Variants in RAP1GAP2 observed in about 807,000 individuals in gnomAD.
RAP1GAP2 encodes rap1 GTPase-activating protein 2.
Under a neutral mutation model 95.0 loss-of-function variants are expected in RAP1GAP2, and 27 were observed. The observed-to-expected ratio is 0.28, with a 90% CI of 0.21 to 0.39. The LOEUF (loss-of-function observed/expected upper bound fraction) is 0.39. Among genes scored for constraint, RAP1GAP2 ranks in the 10% least tolerant of loss-of-function variants. The pLI, the probability that RAP1GAP2 is intolerant of heterozygous loss-of-function variation, is 1.00. For synonymous variants in RAP1GAP2, 373 were observed against 380.9 expected, an observed-to-expected ratio of 0.98 and a Z score of 0.24; for missense variants, 771 against 970.0, an observed-to-expected ratio of 0.79 and a Z score of 2.72.
chr17:3,005,589 C>T lies in RAP1GAP2; in HGVS notation c.1272+149C>T, dbSNP rs1436848254. On this transcript the variant is annotated intron_variant, in intron 15 of 24. Coordinates refer to ENST00000254695, the MANE Select transcript of RAP1GAP2 (RefSeq NM_015085.5). The surrounding 1 kb of genome is among the most constrained non-coding windows in gnomAD (Gnocchi z 5.2). ...TGGGGGGAACCTCCTTTCTTGGGGT[C>T]TCTCCCCACCTCTTTCATGCTGCCA... 5 of 861,726 alleles carry T rather than the reference C, an allele frequency of 5.8e-6. No individual in the cohort carries two copies. The highest frequency in any genetic ancestry group is 1.5e-5 in the South Asian group (1 of 67,842). The allele number at this position is 861,726 out of a possible 1,614,324, so 53.4% of individuals were successfully genotyped here.
intron 2 of RAP1GAP2, among the ~76,000 whole-genome samples, chr17:2,824,190 G>C (rs570162667): frequency 6.6e-6 from 1 of 151,238 alleles, no homozygotes; most frequent in African/African-American, 2.4e-5. Flanking sequence ...GCTCACACCT[G>C]TCATCCCAGC....
intron 2 of RAP1GAP2, among the ~76,000 whole-genome samples, chr17:2,831,375 C>G (rs1328654020): frequency 6.6e-6 from 1 of 151,512 alleles, no homozygotes; most frequent in African/African-American, 2.4e-5. Flanking sequence ...CCATGCCCAG[C>G]CTCCTATTTC....
chr17:2,837,282 A>G (rs1309754444), intron 2 of RAP1GAP2, among the ~76,000 whole-genome samples: 1 of 150,438 alleles, frequency 6.6e-6, no homozygotes, highest in Non-Finnish European at 1.5e-5. Flanking sequence ...CATGAATTTG[A>G]ATTTGAATTG....
At chr17:2,986,238 T>A (rs894854258) in intron 11 of RAP1GAP2, among the ~76,000 whole-genome samples, 5 of 152,214 alleles carry the variant, frequency 3.3e-5, no homozygotes, top group African/African-American at 1.2e-4. Context: ...TCTAATTATA[T>A]GAAGAGTTTA....
In RAP1GAP2 at chr17:3,020,480, C is replaced by T. The variant is rs372158286; in HGVS notation, c.1636C>T (p.Pro546Ser). ...ATTTTGGCAATTTCATCGACAGCCT[C>T]CAGTGGTGGCGGCAACGGTGAAGAA... ...MEVTKTTFSP[P>S]VVAATVKNQS... Residue 546 changes from proline to serine, a missense_variant, in exon 19 of 25, where the codon CCA becomes TCA. By Grantham distance (74) the Pro-to-Ser change is moderately conservative. Coordinates refer to ENST00000254695, the MANE Select transcript of RAP1GAP2 (RefSeq NM_015085.5). The T allele has an allele frequency of 1.9e-6, 3 of 1,613,302 alleles. No homozygotes were observed. Among genetic ancestry groups the T allele is most frequent in the South Asian group, 2.2e-5 (2 of 91,016 alleles).
intron 2 of RAP1GAP2, among the ~76,000 whole-genome samples, chr17:2,859,745 C>T (rs895537014): frequency 3.3e-5 from 5 of 152,240 alleles, no homozygotes; most frequent in Non-Finnish European, 5.9e-5. Flanking sequence ...CCACCCAACT[C>T]TTTTTTTCTT....
intron 13 of RAP1GAP2, among the ~76,000 whole-genome samples, chr17:2,996,962 C>G (rs750285444): frequency 1.3e-5 from 2 of 152,118 alleles, no homozygotes; most frequent in African/African-American, 2.4e-5. Context: ...AGCCAGGACT[C>G]GACATACAGG....
intron 16 of RAP1GAP2, 79 bp downstream of exon 16, chr17:3,006,120 CTTTTTTTTT>C (rs537126167): frequency 2.7e-5 from 11 of 409,928 alleles, no homozygotes; most frequent in African/African-American, 8.5e-5. Flanking sequence ...GCTCCTCCAT[CTTTTTTTTT>C]TTTTTTTTTT....
At position 2,791,002 on chromosome 17, in the gene RAP1GAP2, C is replaced by T. The variant is rs534321104; in HGVS notation, c.-13-9513C>T. On this transcript the variant is annotated intron_variant, in intron 1 of 24. Coordinates refer to the RAP1GAP2 transcript ENST00000540393. ...GACGGATCTTTTGAGGTCATGAGTT[C>T]GAGACCATCCAGGCCAACATGGCAA... is the stretch of plus-strand genomic sequence containing the variant. Among the ~76,000 whole-genome samples, 19 of 152,332 alleles carry T rather than the reference C, an allele frequency of 1.2e-4. No homozygotes were observed. The South Asian group carries it at 3.7e-3, about 30-fold the overall frequency.
chr17:2,927,884 C>T (rs1361533605), intron 3 of RAP1GAP2, among the ~76,000 whole-genome samples: 2 of 152,198 alleles, frequency 1.3e-5, no homozygotes, highest in Non-Finnish European at 2.9e-5. Context: ...TTTGCGAGCC[C>T]GTGACTGATG....
intron 1 of RAP1GAP2, among the ~76,000 whole-genome samples, chr17:2,791,009 A>G (rs908782106): frequency 1.3e-5 from 2 of 152,258 alleles, no homozygotes; most frequent in African/African-American, 4.8e-5. Flanking sequence ...GTTCGAGACC[A>G]TCCAGGCCAA....
rs931059717 is a variant in RAP1GAP2 at position 2,906,551 on chromosome 17, C to T, written c.165+1183C>T. ...TGCAGTACCCAGAGGGCAGTGGAAGCCAGACCACCTTCACTAGCCTAGTGC... is the reference window on the plus strand; with the variant it reads ...TGCAGTACCCAGAGGGCAGTGGAAGTCAGACCACCTTCACTAGCCTAGTGC... On this transcript the variant is annotated intron_variant, in intron 3 of 24. Transcript: ENST00000254695. The surrounding 1 kb of genome is among the most constrained non-coding windows in gnomAD (Gnocchi z 4.3). Among the ~76,000 whole-genome samples the T allele has an allele frequency of 7.9e-5, 12 of 152,000 alleles. No individual in the cohort carries two copies. Among genetic ancestry groups the T allele is most frequent in the Non-Finnish European group, 1.5e-4 (10 of 67,996 alleles).
rs547364389 is a variant in RAP1GAP2, at chr17:2,789,698, C to T, written c.-13-10817C>T. ...TCTGGAGGCTGAGGCAGGAGAATTG[C>T]TTGAACCTGGGAGGCAGAGACTGCA... On this transcript the variant is annotated intron_variant, in intron 1 of 24. Coordinates refer to the RAP1GAP2 transcript ENST00000540393. Among the ~76,000 whole-genome samples, 4 of 135,440 alleles carry T rather than the reference C, an allele frequency of 3.0e-5. No individual in the cohort carries two copies. In the East Asian group the frequency reaches 9.4e-4, roughly 32 times the overall value. 88.9% of individuals were successfully genotyped at this position (135,440 alleles called of 152,430 possible).
At chr17:2,962,751 T>C (rs774719438) in intron 5 of RAP1GAP2, 37 bp downstream of exon 5, 28 of 1,557,464 alleles carry the variant, frequency 1.8e-5, no homozygotes, top group Non-Finnish European at 2.4e-5. Context: ...CAGACGGCCC[T>C]GGTGAGGGGC....
chr17:2,964,541 A>T (rs2151491495), intron 7 of RAP1GAP2: 1 of 162,272 alleles, frequency 6.2e-6, no homozygotes, highest in East Asian at 1.9e-4. Context: ...TGTAACAATC[A>T]GGGAGGCCCA....
intron 23 of RAP1GAP2, among the ~76,000 whole-genome samples, chr17:3,031,711 T>G (rs2047309190): frequency 7.0e-6 from 1 of 143,804 alleles, no homozygotes; most frequent in African/African-American, 2.7e-5. Flanking sequence ...GGTCCAGATG[T>G]GAGGTGGGAA....
chr17:2,926,576 C>A (rs1036589644), intron 3 of RAP1GAP2, among the ~76,000 whole-genome samples: 1 of 152,080 alleles, frequency 6.6e-6, no homozygotes, highest in Non-Finnish European at 1.5e-5. Flanking sequence ...TTGAACCTGT[C>A]GGGAGGTTTC....
intron 2 of RAP1GAP2, among the ~76,000 whole-genome samples, chr17:2,869,821 G>GCCAGCA (rs2072770828): frequency 6.6e-6 from 1 of 152,214 alleles, no homozygotes; most frequent in African/African-American, 2.4e-5. Context: ...CCAGCCGTCA[G>GCCAGCA]CCAGCACCCT....
chr17:2,888,714 C>T (rs1325350497), intron 2 of RAP1GAP2, among the ~76,000 whole-genome samples: 5 of 143,812 alleles, frequency 3.5e-5, no homozygotes, highest in African/African-American at 5.2e-5. Flanking sequence ...CGTATTGGTG[C>T]GATCTCAGCT....
Sources: gnomAD v4.1 joint callset for allele counts (sites outside exome capture counted in the v4.1 genomes callset) on GRCh38, gnomAD v4.1.1 for gene constraint, Gnocchi (gnomAD v3.1) non-coding constraint, MANE v1.5 for transcripts, NCBI Gene and HGNC (gene_info 2026-07-23, HGNC 2026-07-21) for gene names.